The following NCOA2 variants were observed in gnomAD, a reference collection of about 807,000 sequenced individuals.
The protein encoded by NCOA2 is class E basic helix-loop-helix protein 75.
NCOA2 carries 21 observed loss-of-function variants against 145.1 expected under a neutral mutation model. The observed-to-expected ratio is 0.14, with a 90% CI of 0.10 to 0.21. The LOEUF (loss-of-function observed/expected upper bound fraction) is 0.21, where lower values mean the gene tolerates loss of function less well. Ranked by LOEUF, NCOA2 falls within the 10% of genes least tolerant of loss-of-function variation. NCOA2 has a pLI of 1.00. For missense variants in NCOA2, 1,472 were observed against 1,837.6 expected, an observed-to-expected ratio of 0.80 and a Z score of 3.64; for synonymous variants, 619 against 637.5, an observed-to-expected ratio of 0.97 and a Z score of 0.44.
chr8:70,415,546 G>C, the NCOA2 span, among the ~76,000 whole-genome samples: 1 of 152,110 alleles, frequency 6.6e-6, no homozygotes. Context: ...AATTAGGCAG[G>C]GGAATTTTAC....
At chr8:70,273,154 AT>A (rs1825186352) in intron 2 of NCOA2, among the ~76,000 whole-genome samples, 1 of 152,176 alleles carries the variant, frequency 6.6e-6, no homozygotes, top group African/African-American at 2.4e-5. Context: ...CACACCTATA[AT>A]TTTTTAAATG....
chr8:70,149,992 T>C (rs2132059780), intron 11 of NCOA2, among the ~76,000 whole-genome samples: 1 of 152,364 alleles, frequency 6.6e-6, no homozygotes, highest in East Asian at 1.9e-4. Context: ...TTGGATATGC[T>C]AAGATTTTTG....
At chr8:70,189,587 C>T (rs535303861) in intron 4 of NCOA2, among the ~76,000 whole-genome samples, 33 of 152,198 alleles carry the variant, frequency 2.2e-4, no homozygotes, top group African/African-American at 5.5e-4. Context: ...GCACATGGGA[C>T]GAGGAATTTT....
chr8:70,179,217 T>C (rs16936806), intron 4 of NCOA2, among the ~76,000 whole-genome samples: 9,150 of 152,306 alleles, frequency 0.06, 356 homozygotes, highest in East Asian at 0.17. Flanking sequence ...TGTATTGAAT[T>C]TGTGCTTTGA....
At chr8:70,292,681 T>C (rs1268110999) in intron 2 of NCOA2, among the ~76,000 whole-genome samples, 1 of 152,240 alleles carries the variant, frequency 6.6e-6, no homozygotes, top group Non-Finnish European at 1.5e-5. Flanking sequence ...ATTCTTTGTA[T>C]TTCCTATAGC....
At chr8:70,293,885 A>T (rs1563732328) in intron 2 of NCOA2, among the ~76,000 whole-genome samples, 1 of 152,146 alleles carries the variant, frequency 6.6e-6, no homozygotes, top group African/African-American at 2.4e-5. Context: ...TTTAACTCAA[A>T]CTACAGAATT....
the NCOA2 span, among the ~76,000 whole-genome samples, chr8:70,449,240 C>T: frequency 3.2e-4 from 48 of 152,272 alleles, no homozygotes; most frequent in Non-Finnish European, 5.9e-4. Flanking sequence ...TCAAGGAAAA[C>T]AAGATGAAAT....
intron 1 of NCOA2, among the ~76,000 whole-genome samples, chr8:70,323,594 A>G (rs1806287191): frequency 6.6e-6 from 1 of 152,180 alleles, no homozygotes; most frequent in African/African-American, 2.4e-5. Context: ...TGATACATTA[A>G]GTCCTTTGCT....
intron 1 of NCOA2, among the ~76,000 whole-genome samples, chr8:70,371,308 T>A (rs1338981956): frequency 1.3e-5 from 2 of 151,016 alleles, no homozygotes; most frequent in African/African-American, 2.4e-5. Context: ...AATAAATAAA[T>A]AAAAATAAAG....
intron 4 of NCOA2, among the ~76,000 whole-genome samples, chr8:70,193,740 G>A (rs967851954): frequency 6.6e-6 from 1 of 152,150 alleles, no homozygotes; most frequent in Non-Finnish European, 1.5e-5. Flanking sequence ...ACAGAATGGT[G>A]GTATGCGCAT....
chr8:70,242,302 T>G (rs992215419), intron 2 of NCOA2, among the ~76,000 whole-genome samples: 2 of 152,152 alleles, frequency 1.3e-5, no homozygotes, highest in African/African-American at 4.8e-5. Context: ...TGTTTGGTGT[T>G]TCTTATAAAA....
intron 2 of NCOA2, among the ~76,000 whole-genome samples, chr8:70,244,580 A>T (rs1822448796): frequency 6.6e-6 from 1 of 152,142 alleles, no homozygotes; most frequent in Non-Finnish European, 1.5e-5. Flanking sequence ...ATAATTTCAA[A>T]TTTATCACAA....
the NCOA2 span, among the ~76,000 whole-genome samples, chr8:70,424,732 A>G: frequency 1.3e-5 from 2 of 152,200 alleles, no homozygotes; most frequent in Non-Finnish European, 2.9e-5. Flanking sequence ...GCCACAGACA[A>G]TGTGAAACAA....
At chr8:70,131,056 GATTA>G (rs1809037086) in intron 16 of NCOA2, among the ~76,000 whole-genome samples, 1 of 152,182 alleles carries the variant, frequency 6.6e-6, no homozygotes, top group South Asian at 2.1e-4. Context: ...AGCTCACTAA[GATTA>G]GTTAACTTTT....
chr8:70,191,805 C>G (rs899016116), intron 4 of NCOA2, among the ~76,000 whole-genome samples: 1 of 152,046 alleles, frequency 6.6e-6, no homozygotes, highest in Admixed American at 6.5e-5. Context: ...CTTTGGGAGG[C>G]CGAAGTGGGT....
intron 1 of NCOA2, among the ~76,000 whole-genome samples, chr8:70,362,342 A>G (rs147703401): frequency 8.5e-4 from 129 of 152,340 alleles, no homozygotes; most frequent in African/African-American, 3.0e-3. Context: ...TGCTCAAAAC[A>G]ATCCATCAAA....
chr8:70,430,269 T>C, the NCOA2 span, among the ~76,000 whole-genome samples: 1 of 152,204 alleles, frequency 6.6e-6, no homozygotes, highest in African/African-American at 2.4e-5. Context: ...GAATTTACCT[T>C]ACAGATAAAA....
At chr8:70,367,690 C>G (rs918320223) in intron 1 of NCOA2, among the ~76,000 whole-genome samples, 1 of 152,108 alleles carries the variant, frequency 6.6e-6, no homozygotes, top group Non-Finnish European at 1.5e-5. Flanking sequence ...AATTACATAT[C>G]CAAGTGCTAA....
At chr8:70,415,303 C>T in the NCOA2 span, among the ~76,000 whole-genome samples, 3 of 150,312 alleles carry the variant, frequency 2.0e-5, no homozygotes, top group Non-Finnish European at 2.9e-5. Context: ...CACTCCAGCC[C>T]GGGTGACAGA....
Sources: allele counts gnomAD v4.1 joint callset (sites outside exome capture counted in the v4.1 genomes callset), GRCh38; gene constraint gnomAD v4.1.1; transcripts MANE v1.5; gene names NCBI Gene and HGNC (gene_info 2026-07-23, HGNC 2026-07-21).